RPS6KA2: variants seen among roughly 807,000 people sequenced by gnomAD.
The protein encoded by RPS6KA2 is ribosomal protein S6 kinase A2.
RPS6KA2 carries 42 observed loss-of-function variants against 91.8 expected under a neutral mutation model. That is an observed-to-expected ratio of 0.46 (90% CI 0.36 to 0.59). RPS6KA2 has a LOEUF of 0.59. RPS6KA2 is among the 20% of genes least tolerant of loss of function. The pLI is 0.00. For synonymous variants in RPS6KA2, 414 were observed against 393.6 expected (o/e 1.05, Z -0.61); for missense variants, 798 against 978.5 (o/e 0.82, Z 2.46).
At position 166,599,940 on chromosome 6, in the gene RPS6KA2, G is replaced by A. The variant is rs138712467; in HGVS notation, c.99+26981C>T. Among the ~76,000 whole-genome samples, 776 of 152,212 alleles carry A rather than the reference G, an allele frequency of 5.1e-3. 8 individuals are homozygous for A. Among genetic ancestry groups the A allele is most frequent in the African/African-American group, 0.018 (739 of 41,516 alleles). On this transcript the variant is annotated intron_variant, in intron 1 of 20. Coordinates refer to ENST00000265678, the MANE Select transcript of RPS6KA2 (RefSeq NM_021135.6). ...TCACCTCCCTAGAGTAGCTCCTTCC[G>A]TCATGATCCAAGGGACACCCAGCCT...
intron 1 of RPS6KA2, among the ~76,000 whole-genome samples, chr6:166,606,045 A>C (rs3799581): frequency 6.6e-6 from 1 of 152,184 alleles, no homozygotes; most frequent in African/African-American, 2.4e-5. Context: ...CAAAGGCAGC[A>C]TAATGCCGCC....
intron 10 of RPS6KA2, among the ~76,000 whole-genome samples, chr6:166,482,818 G>C (rs959314241): frequency 3.3e-5 from 5 of 152,246 alleles, no homozygotes; most frequent in Admixed American, 2.6e-4. Flanking sequence ...AAGGAGGAGA[G>C]AGGGAGAGAG....
At chr6:166,699,343 G>C (rs1789444329) in intron 2 of RPS6KA2, among the ~76,000 whole-genome samples, 1 of 152,142 alleles carries the variant, frequency 6.6e-6, no homozygotes, top group Non-Finnish European at 1.5e-5. Context: ...GAAGAATCTT[G>C]AGAGAAGAGT....
chr6:166,618,391 A>C (rs1400641289), intron 1 of RPS6KA2, among the ~76,000 whole-genome samples: 1 of 152,124 alleles, frequency 6.6e-6, no homozygotes, highest in Non-Finnish European at 1.5e-5. Context: ...AGCCCCTGAG[A>C]AGCTCAGGGC....
At chr6:166,640,231 C>T (rs1490784808) in intron 2 of RPS6KA2, among the ~76,000 whole-genome samples, 4 of 147,916 alleles carry the variant, frequency 2.7e-5, no homozygotes, top group Non-Finnish European at 6.0e-5. Context: ...AAAAAAAAAA[C>T]CCATCATAGA....
chr6:166,547,766 G>T (rs545440571), intron 1 of RPS6KA2, among the ~76,000 whole-genome samples: 3 of 152,382 alleles, frequency 2.0e-5, no homozygotes, highest in Non-Finnish European at 2.9e-5. Flanking sequence ...AGGATGGAAA[G>T]AGTAACTGAG....
intron 2 of RPS6KA2, among the ~76,000 whole-genome samples, chr6:166,712,584 G>A (rs956114006): frequency 6.6e-6 from 1 of 152,192 alleles, no homozygotes; most frequent in Non-Finnish European, 1.5e-5. Context: ...AGAGACGCAC[G>A]GACGGGCTGT....
intron 1 of RPS6KA2, among the ~76,000 whole-genome samples, chr6:166,582,181 G>A (rs1785042348): frequency 6.6e-6 from 1 of 151,910 alleles, no homozygotes; most frequent in African/African-American, 2.4e-5. Context: ...AGGGCACAGG[G>A]AGAGGTGAGA....
At chr6:166,702,610 C>CT in intron 2 of RPS6KA2, 1 of 1,570,490 alleles carries the variant, frequency 6.4e-7, no homozygotes, top group Non-Finnish European at 8.8e-7. Flanking sequence ...AATCCTTTGC[C>CT]TTTTTGGGAC....
intron 2 of RPS6KA2, among the ~76,000 whole-genome samples, chr6:166,636,969 A>C (rs1162941802): frequency 1.3e-5 from 2 of 152,240 alleles, no homozygotes; most frequent in African/African-American, 4.8e-5. Context: ...CTGAGAACAC[A>C]GGATGGCCTG....
In RPS6KA2 at chr6:166,416,830, C is replaced by T. The variant is rs544497990; in HGVS notation, c.1938+1395G>A. On this transcript the variant is annotated intron_variant, in intron 19 of 20. Coordinates refer to ENST00000265678, the MANE Select transcript of RPS6KA2 (RefSeq NM_021135.6). ...TCACCATCACCTCCATCATCGCTGT[C>T]GCCACCTCTGCCACCACTTCTGCCA... Among the ~76,000 whole-genome samples, 28 of 152,182 alleles carry T rather than the reference C, an allele frequency of 1.8e-4. 1 individual carries two copies. The South Asian group carries it at 2.9e-3, about 16-fold the overall frequency.
intron 1 of RPS6KA2, among the ~76,000 whole-genome samples, chr6:166,616,733 G>A (rs1786429233): frequency 6.6e-6 from 1 of 152,230 alleles, no homozygotes; most frequent in Non-Finnish European, 1.5e-5. Context: ...GGGGAGCAGG[G>A]CCTGATGGCC....
chr6:166,640,411 G>C (rs942226467), intron 2 of RPS6KA2, among the ~76,000 whole-genome samples: 4 of 152,222 alleles, frequency 2.6e-5, no homozygotes, highest in African/African-American at 9.6e-5. Context: ...AAGCCAGACA[G>C]GGGGAGCTGA....
At chr6:166,834,665 GGTT>G (rs1780274889) in intron 2 of RPS6KA2, among the ~76,000 whole-genome samples, 1 of 152,094 alleles carries the variant, frequency 6.6e-6, no homozygotes, top group Admixed American at 6.5e-5. Flanking sequence ...TTTATTGGGT[GGTT>G]GTCTTCTTAT....
chr6:166,668,003 A>C (rs1204981897), intron 2 of RPS6KA2, among the ~76,000 whole-genome samples: 1 of 152,182 alleles, frequency 6.6e-6, no homozygotes, highest in Non-Finnish European at 1.5e-5. Context: ...AGCTCATGAG[A>C]TGTTTGGAGA....
chr6:166,425,831 A>G (rs1196775082), intron 16 of RPS6KA2, among the ~76,000 whole-genome samples: 2 of 152,246 alleles, frequency 1.3e-5, no homozygotes, highest in Non-Finnish European at 2.9e-5. Flanking sequence ...AAAGAGACTT[A>G]GACTCCCACA....
intron 2 of RPS6KA2, among the ~76,000 whole-genome samples, chr6:166,831,520 C>T (rs756507811): frequency 2.6e-5 from 4 of 151,712 alleles, no homozygotes; most frequent in Non-Finnish European, 4.4e-5. Flanking sequence ...TTGCCTTGTC[C>T]GCACCTCTTC....
chr6:166,581,239 A>T (rs1235578105), intron 1 of RPS6KA2, among the ~76,000 whole-genome samples: 1 of 152,092 alleles, frequency 6.6e-6, no homozygotes, highest in African/African-American at 2.4e-5. Flanking sequence ...ATGATTCTTT[A>T]TGTGAAAATC....
Position 166,423,347 on chromosome 6 carries a change from C to A in RPS6KA2, c.1652G>T (p.Arg551Leu). The A allele has an allele frequency of 6.2e-7, 1 of 1,614,160 alleles. No homozygotes were observed. Among genetic ancestry groups the A allele is most frequent in the Non-Finnish European group, 8.5e-7 (1 of 1,180,016 alleles). ...CTTGGCAAAGCCGAAGTCGCAGACT[C>A]GGATGGATTCTGGGCTCCCCGACTC... ...RDESGSPESIRVCDFGFAKQL... is the reference protein window; with the variant it reads ...RDESGSPESILVCDFGFAKQL... Residue 551 changes from arginine (R) to leucine (L), a missense_variant, in exon 17 of 21, where the codon CGA becomes CTA. By Grantham distance (102) the Arg-to-Leu change is moderately radical (BLOSUM62 -2). Transcript: ENST00000265678. The surrounding 1 kb of genome is among the most constrained non-coding windows in gnomAD (Gnocchi z 4.8).
Sources: gnomAD v4.1 joint callset for allele counts (sites outside exome capture counted in the v4.1 genomes callset) on GRCh38, gnomAD v4.1.1 for gene constraint, Gnocchi (gnomAD v3.1) non-coding constraint, MANE v1.5 for transcripts, NCBI Gene and HGNC (gene_info 2026-07-23, HGNC 2026-07-21) for gene names.